PTPRD: variants seen among roughly 807,000 people sequenced by gnomAD.
PTPRD encodes the protein protein tyrosine phosphatase receptor type D, also known as receptor-type tyrosine-protein phosphatase delta.
Under a neutral mutation model 214.5 loss-of-function variants are expected in PTPRD, and 34 were observed. The ratio of observed to expected loss-of-function variants is 0.16; its 90% CI spans 0.12 to 0.21. The LOEUF (loss-of-function observed/expected upper bound fraction) is 0.21. Among genes scored for constraint, PTPRD ranks in the 10% least tolerant of loss-of-function variants. PTPRD has a pLI of 1.00. For missense variants in PTPRD, 2,545 were observed against 2,398.7 expected (o/e 1.06, Z -1.27); for synonymous variants, 1,128 against 845.7 (o/e 1.33, Z -5.79).
chr9:9,199,292 C>CTT (rs890248817), intron 9 of PTPRD, among the ~76,000 whole-genome samples: 2 of 152,178 alleles, frequency 1.3e-5, no homozygotes, highest in Admixed American at 1.3e-4. Flanking sequence ...CATGGAAGAA[C>CTT]TTTAAGCACA....
chr9:10,105,965 C>T (rs1190027274), intron 3 of PTPRD, among the ~76,000 whole-genome samples: 1 of 140,168 alleles, frequency 7.1e-6, no homozygotes, highest in Admixed American at 7.6e-5. Context: ...GGGATGAATG[C>T]CCAGAAAGAG....
At chr9:9,135,673 T>C (rs933676071) in intron 10 of PTPRD, among the ~76,000 whole-genome samples, 1 of 152,228 alleles carries the variant, frequency 6.6e-6, no homozygotes, top group African/African-American at 2.4e-5. Flanking sequence ...CTGAACTCAC[T>C]TTATGCAGGA....
At chr9:8,358,392 G>A (rs574283908) in intron 39 of PTPRD, among the ~76,000 whole-genome samples, 1 of 152,214 alleles carries the variant, frequency 6.6e-6, no homozygotes, top group Non-Finnish European at 1.5e-5. Flanking sequence ...GCATAACAGA[G>A]CAAATGGTCT....
intron 8 of PTPRD, among the ~76,000 whole-genome samples, chr9:9,525,398 C>T (rs567524744): frequency 6.8e-4 from 104 of 152,096 alleles, no homozygotes; most frequent in Non-Finnish European, 1.2e-3. Context: ...ATACTGCAAT[C>T]GATGTTCCTT....
intron 3 of PTPRD, among the ~76,000 whole-genome samples, chr9:10,138,758 A>G (rs989250351): frequency 6.6e-6 from 1 of 152,182 alleles, no homozygotes; most frequent in African/African-American, 2.4e-5. Context: ...CATGCAAATC[A>G]GTAAATGTGA....
intron 9 of PTPRD, among the ~76,000 whole-genome samples, chr9:9,242,284 C>T (rs2131027356): frequency 6.6e-6 from 1 of 152,204 alleles, no homozygotes; most frequent in Middle Eastern, 3.4e-3. Flanking sequence ...AACATTTTTT[C>T]CTTCATGTCA....
chr9:8,742,989 C>A (rs567838237), intron 11 of PTPRD, among the ~76,000 whole-genome samples: 3 of 151,696 alleles, frequency 2.0e-5, no homozygotes, highest in South Asian at 2.1e-4. Flanking sequence ...CTATAACACA[C>A]AGAACAACTA....
At chr9:9,100,353 C>T (rs1326645140) in intron 10 of PTPRD, among the ~76,000 whole-genome samples, 1 of 152,060 alleles carries the variant, frequency 6.6e-6, no homozygotes, top group Non-Finnish European at 1.5e-5. Context: ...GCATGATGTC[C>T]TAAGATATAC....
At chr9:9,691,642 G>A (rs1437210145) in intron 7 of PTPRD, among the ~76,000 whole-genome samples, 1 of 152,008 alleles carries the variant, frequency 6.6e-6, no homozygotes, top group Non-Finnish European at 1.5e-5. Flanking sequence ...TTTATACTCA[G>A]CTTTGGGGTT....
intron 11 of PTPRD, among the ~76,000 whole-genome samples, chr9:8,865,992 C>G (rs759096190): frequency 5.9e-5 from 9 of 152,128 alleles, no homozygotes; most frequent in Non-Finnish European, 1.3e-4. Flanking sequence ...GACAAAAAAT[C>G]CTTTATACTT....
chr9:8,378,012 T>C (rs1225851431), intron 37 of PTPRD, among the ~76,000 whole-genome samples: 1 of 152,088 alleles, frequency 6.6e-6, no homozygotes, highest in Non-Finnish European at 1.5e-5. Context: ...AGAAAAGCAC[T>C]TTATAGCTAT....
At chr9:10,030,831 C>T (rs778619971) in intron 4 of PTPRD, among the ~76,000 whole-genome samples, 2 of 152,192 alleles carry the variant, frequency 1.3e-5, no homozygotes, top group Non-Finnish European at 1.5e-5. Context: ...CACCTTCGGA[C>T]TCTATGGTTT....
chr9:9,488,728 T>C (rs888259552), intron 8 of PTPRD, among the ~76,000 whole-genome samples: 36 of 152,150 alleles, frequency 2.4e-4, no homozygotes, highest in East Asian at 1.9e-4. Flanking sequence ...GGCTTGCAAC[T>C]TCCAGGTAAA....
intron 5 of PTPRD, among the ~76,000 whole-genome samples, chr9:9,825,305 A>G (rs1197399689): frequency 2.0e-5 from 3 of 151,792 alleles, no homozygotes; most frequent in Non-Finnish European, 4.4e-5. Flanking sequence ...ATTGGCAGGT[A>G]GGAAGAAAGA....
intron 2 of PTPRD, among the ~76,000 whole-genome samples, chr9:10,391,127 C>A (rs2098054479): frequency 6.6e-6 from 1 of 151,698 alleles, no homozygotes; most frequent in African/African-American, 2.4e-5. Context: ...TAAATTAGGC[C>A]TTTTCTCTGG....
intron 2 of PTPRD, among the ~76,000 whole-genome samples, chr9:10,491,424 G>C (rs540416946): frequency 6.6e-6 from 1 of 152,092 alleles, no homozygotes; most frequent in Non-Finnish European, 1.5e-5. Flanking sequence ...GTATTTTATA[G>C]TCTACTTGTA....
At chr9:9,393,205 G>GATAGACA in intron 9 of PTPRD, among the ~76,000 whole-genome samples, 1 of 152,246 alleles carries the variant, frequency 6.6e-6, no homozygotes, top group African/African-American at 2.4e-5. Flanking sequence ...CATCTGGTGT[G>GATAGACA]ATAGACTGAA....
At chr9:10,290,488 C>T (rs898168155) in intron 3 of PTPRD, among the ~76,000 whole-genome samples, 2 of 152,124 alleles carry the variant, frequency 1.3e-5, no homozygotes, top group Admixed American at 6.6e-5. Context: ...CACAGTGCAG[C>T]TTAATTCTGG....
intron 9 of PTPRD, among the ~76,000 whole-genome samples, chr9:9,207,603 G>A (rs2099945671): frequency 6.6e-6 from 1 of 152,184 alleles, no homozygotes; most frequent in South Asian, 2.1e-4. Flanking sequence ...TACATTGCTG[G>A]TAGGTATGAA....
Sources: gnomAD v4.1 joint callset for allele counts (sites outside exome capture counted in the v4.1 genomes callset) on GRCh38, gnomAD v4.1.1 for gene constraint, MANE v1.5 for transcripts, NCBI Gene and HGNC (gene_info 2026-07-23, HGNC 2026-07-21) for gene names.